Variants in SPOCD1 observed in about 807,000 individuals in gnomAD.
SPOCD1 encodes SPOC domain containing 1, also known as SPOC domain-containing protein 1.
Under a neutral mutation model 92.2 loss-of-function variants are expected in SPOCD1, and 64 were observed. That is an observed-to-expected ratio of 0.69 (90% CI 0.57 to 0.86). The LOEUF is 0.86. Among genes scored for constraint, SPOCD1 ranks in the 40% least tolerant of loss-of-function variants. The pLI, the probability that SPOCD1 is intolerant of heterozygous loss-of-function variation, is 0.00. For missense variants in SPOCD1, 1,360 were observed against 1,543.1 expected, an observed-to-expected ratio of 0.88 and a Z score of 1.99; for synonymous variants, 578 against 619.3, an observed-to-expected ratio of 0.93 and a Z score of 0.99.
At chr1:31,797,826 G>A (rs1359919089) in intron 9 of SPOCD1, among the ~76,000 whole-genome samples, 1 of 152,132 alleles carries the variant, frequency 6.6e-6, no homozygotes, top group Admixed American at 6.5e-5. Context: ...CCCCAACCTG[G>A]GGTACCAGGA....
In SPOCD1 at chr1:31,814,879, C is replaced by T; in HGVS notation, c.455G>A (p.Arg152Lys). 1.2e-6 allele frequency: 2 copies of T among 1,613,696 alleles called. No homozygotes were observed. Among genetic ancestry groups the T allele is most frequent in the Non-Finnish European group, 1.7e-6 (2 of 1,179,982 alleles). ...GCTCACCTCCTCCACTCCTGCAAGC[C>T]TCTCCCTGCAGGCCAGAGCTCTCTC... ...LPERALACRE[R>K]LAGVEEVSCL... The change falls in exon 2 of 16, where the codon AGG (arginine) becomes AAG (lysine). Residue 152 changes from arginine to lysine, a missense_variant. This residue lies in a region of SPOCD1 where 606 missense variants were observed against 601.5 expected (regional missense o/e 1.01). Coordinates refer to ENST00000360482, the MANE Select transcript of SPOCD1 (RefSeq NM_144569.7). This position sits in a 1 kb window ranked among gnomAD's most constrained non-coding sequence, Gnocchi z 4.2.
At position 31,814,543 on chromosome 1, in the gene SPOCD1, G is replaced by A. The variant is rs771748420; in HGVS notation, c.791C>T (p.Thr264Ile). The A allele has an allele frequency of 2.0e-6, 3 of 1,529,626 alleles. No homozygotes were observed. Among genetic ancestry groups the A allele is most frequent in the Non-Finnish European group, 2.6e-6 (3 of 1,137,614 alleles). The allele number at this position is 1,529,626 out of a possible 1,614,324, so 94.8% of individuals were successfully genotyped here. A position where few individuals can be genotyped will look rare whatever the true frequency, so the allele number is the denominator to read the frequency against. The change falls in exon 2 of 16, where the codon ACT becomes ATT. Residue 264 changes from threonine to isoleucine, a missense_variant. Thr to Ile is a moderately conservative substitution (Grantham distance 89, BLOSUM62 -1). Coordinates refer to ENST00000360482, the MANE Select transcript of SPOCD1 (RefSeq NM_144569.7). The surrounding 1 kb of genome is among the most constrained non-coding windows in gnomAD (Gnocchi z 4.2). ...GPCRPPSPKDTGSGPGEPGGS... is the reference protein window; with the variant it reads ...GPCRPPSPKDIGSGPGEPGGS... ...ACCTGGCTCTCCAGGCCCAGACCCAGTGTCTTTTGGAGAGGGAGGTCTGCA... is the reference window on the plus strand; with the variant it reads ...ACCTGGCTCTCCAGGCCCAGACCCAATGTCTTTTGGAGAGGGAGGTCTGCA...
rs774885380 is a variant in SPOCD1 at position 31,798,410 on chromosome 1, G to C, written c.2028+32C>G. 96 of 1,592,868 alleles carry C rather than the reference G, an allele frequency of 6.0e-5. No individual in the cohort carries two copies. The highest frequency in any genetic ancestry group is 9.1e-5 in the South Asian group (8 of 87,684). Reference sequence around the variant, plus strand: ...CTGCAGGGGCTCTGAGATTCAGAGAGGGGACGCAGCCCAGCCCAAAGCCCT... The same window carrying C: ...CTGCAGGGGCTCTGAGATTCAGAGACGGGACGCAGCCCAGCCCAAAGCCCT... On this transcript the variant is annotated intron_variant, in intron 8 of 15. Coordinates refer to ENST00000360482, the MANE Select transcript of SPOCD1 (RefSeq NM_144569.7). The surrounding 1 kb of genome is among the most constrained non-coding windows in gnomAD (Gnocchi z 4.1).
At chr1:31,808,010 C>T (rs999317488) in intron 2 of SPOCD1, among the ~76,000 whole-genome samples, 2 of 152,112 alleles carry the variant, frequency 1.3e-5, no homozygotes, top group African/African-American at 4.8e-5. Flanking sequence ...AACACCTTCC[C>T]TAAAGAGAAC....
At chr1:31,796,750 T>C (rs1648060039) in intron 9 of SPOCD1, 35 bp from the exon 10 acceptor site, 1 of 1,613,170 alleles carries the variant, frequency 6.2e-7, no homozygotes, top group Non-Finnish European at 8.5e-7. Flanking sequence ...TGAGCCCAGT[T>C]AGGGGGCCTC....
intron 3 of SPOCD1, among the ~76,000 whole-genome samples, chr1:31,801,002 C>T (rs80145223): frequency 0.025 from 3,747 of 152,320 alleles, 146 homozygotes; most frequent in African/African-American, 0.086. Flanking sequence ...GACTCCCCCT[C>T]CTCCTGCTCA....
chr1:31,793,635 A>G, intron 12 of SPOCD1, 112 bp downstream of exon 12: 1 of 1,581,944 alleles, frequency 6.3e-7, no homozygotes, highest in Non-Finnish European at 8.6e-7. Context: ...CAAGGGAGGG[A>G]AGACTTGCCC....
At position 31,798,879 on chromosome 1, in the gene SPOCD1, T is replaced by C; in HGVS notation, c.1869-278A>G. On this transcript the variant is annotated intron_variant, in intron 7 of 15. Coordinates refer to ENST00000360482, the MANE Select transcript of SPOCD1 (RefSeq NM_144569.7). This position sits in a 1 kb window ranked among gnomAD's most constrained non-coding sequence, Gnocchi z 4.1. ...AAAAGCAAGATTTGAAACTCGACTG[T>C]CTGACTCACCAGCCTGTGCCCCGTC... The C allele has an allele frequency of 3.5e-6, 2 of 572,710 alleles. No homozygotes were observed. The highest frequency in any genetic ancestry group is 3.3e-5 in the Admixed American group (1 of 30,464). 35.5% of individuals were successfully genotyped at this position (572,710 alleles called of 1,614,324 possible).
intron 1 of SPOCD1, chr1:31,815,702 A>C (rs1455476848): frequency 5.8e-6 from 1 of 171,832 alleles, no homozygotes; most frequent in Admixed American, 6.3e-5. Flanking sequence ...ACTGGCAGCC[A>C]CAGGTGAGGA....
chr1:31,813,603 A>C (rs1007531391), intron 2 of SPOCD1, among the ~76,000 whole-genome samples: 1 of 152,032 alleles, frequency 6.6e-6, no homozygotes, highest in Non-Finnish European at 1.5e-5. Flanking sequence ...TTAATCCTTG[A>C]AACAACCCCA....
At position 31,792,435 on chromosome 1, in the gene SPOCD1, A is replaced by G. The variant is rs756697606; in HGVS notation, c.2776-34T>C. On this transcript the variant is annotated intron_variant, in intron 14 of 15. Transcript: ENST00000360482. Reference sequence around the variant, plus strand: ...GCAGGAGGAGAGCAGCTGTAAGCGCAGTCATCCTCTGCTCCTGCCAACACC... The same window carrying G: ...GCAGGAGGAGAGCAGCTGTAAGCGCGGTCATCCTCTGCTCCTGCCAACACC... 7 of 1,602,928 alleles carry G rather than the reference A, an allele frequency of 4.4e-6. No homozygotes were observed. In the South Asian group the frequency reaches 7.8e-5, roughly 18 times the overall value.
At chr1:31,808,521 C>T (rs1174718725) in intron 2 of SPOCD1, among the ~76,000 whole-genome samples, 1 of 150,638 alleles carries the variant, frequency 6.6e-6, no homozygotes, top group Non-Finnish European at 1.5e-5. Flanking sequence ...AATTAGCAAA[C>T]CAGGAAGAGA....
intron 2 of SPOCD1, among the ~76,000 whole-genome samples, chr1:31,808,307 C>A (rs183649058): frequency 6.7e-6 from 1 of 150,302 alleles, no homozygotes; most frequent in East Asian, 1.9e-4. Flanking sequence ...TCCAGCAAGG[C>A]AAGAACTTAA....
rs1234442627 is a variant in SPOCD1 at position 31,814,860 on chromosome 1, C to A, written c.474G>T (p.Glu158Asp). The A allele has an allele frequency of 1.2e-6, 2 of 1,613,294 alleles. No individual in the cohort carries two copies. The highest frequency in any genetic ancestry group is 3.3e-5 in the Admixed American group (2 of 59,994). ...ACRERLAGVE[E>D]VSCLRPREAR... Reference sequence around the variant, plus strand: ...CCTCCCTGGGCCTGAGGCAGCTCACCTCCTCCACTCCTGCAAGCCTCTCCC... The same window carrying A: ...CCTCCCTGGGCCTGAGGCAGCTCACATCCTCCACTCCTGCAAGCCTCTCCC... Residue 158 changes from glutamate (E) to aspartate (D), a missense_variant, in exon 2 of 16, where the codon GAG becomes GAT. By Grantham distance (45) the Glu-to-Asp change is conservative. This residue lies in a region of SPOCD1 where 606 missense variants were observed against 601.5 expected (regional missense o/e 1.01). Transcript: ENST00000360482. This position sits in a 1 kb window ranked among gnomAD's most constrained non-coding sequence, Gnocchi z 4.2.
rs1357712995 is a variant in SPOCD1, at chr1:31,793,853, T to C, written c.2428A>G (p.Lys810Glu). Residue 810 changes from lysine (K) to glutamate (E), a missense_variant, in exon 12 of 16, where the codon AAG becomes GAG. Physicochemically the swap from Lys to Glu is moderately conservative, Grantham distance 56. Transcript: ENST00000360482. ...NELLGSFEAA[K>E]SCGDNIFQKA... ...TGGAAGATATTGTCCCCGCAGCTCT[T>C]GGCGGCTTCGAAGGAGCCTAGCAGC... 3 of 1,614,148 alleles carry C rather than the reference T, an allele frequency of 1.9e-6. No homozygotes were observed. Among genetic ancestry groups the C allele is most frequent in the Non-Finnish European group, 2.5e-6 (3 of 1,179,984 alleles).
chr1:31,800,358 C>G, intron 4 of SPOCD1, 83 bp downstream of exon 4: 1 of 1,462,966 alleles, frequency 6.8e-7, no homozygotes, highest in Non-Finnish European at 9.1e-7. Context: ...GGCACCCTCT[C>G]TCTGAGCCTC....
chr1:31,790,973 C>A lies in SPOCD1; in HGVS notation c.3281G>T (p.Gly1094Val). The change falls in exon 16 of 16, where the codon GGG becomes GTG. Residue 1094 changes from glycine (G) to valine (V), a missense_variant. Around this residue, in one of 3 missense-constraint regions of SPOCD1, gnomAD observed 614 missense variants for 757.8 expected, o/e 0.81. Coordinates refer to ENST00000360482, the MANE Select transcript of SPOCD1 (RefSeq NM_144569.7). ...GTTTTCAGGCTCTGGCCAGAGCCTC[C>A]CCCTGCCTCTGGGGGGCCTCTGCCA... ...SAWQRPPRGR[G>V]RLWPEPENWQ... The A allele has an allele frequency of 6.3e-7, 1 of 1,577,626 alleles. No individual in the cohort carries two copies. The highest frequency in any genetic ancestry group is 8.6e-7 in the Non-Finnish European group (1 of 1,162,504).
Position 31,798,533 on chromosome 1 carries a change from G to A in SPOCD1, c.1937C>T (p.Ala646Val). 1 of 1,613,906 alleles carries A rather than the reference G, an allele frequency of 6.2e-7. No individual in the cohort carries two copies. Residue 646 changes from alanine to valine, a missense_variant, in exon 8 of 16, where the codon GCA (alanine) becomes GTA (valine). By Grantham distance (64) the Ala-to-Val change is moderately conservative. This residue lies in a region of SPOCD1 where 614 missense variants were observed against 757.8 expected (regional missense o/e 0.81). Transcript: ENST00000360482. The surrounding 1 kb of genome is among the most constrained non-coding windows in gnomAD (Gnocchi z 4.1). ...VVEGIAAGIEAALWDLTQGTN... is the reference protein window; with the variant it reads ...VVEGIAAGIEVALWDLTQGTN... ...GCCTTGTGTCAGGTCCCAGAGGGCT[G>A]CCTCAATGCCAGCAGCAATGCCCTC...
Position 31,798,248 on chromosome 1 carries a change from G to C in SPOCD1, c.2104C>G (p.Pro702Ala), listed in dbSNP as rs765864823. The change falls in exon 9 of 16, where the codon CCC becomes GCC. Residue 702 changes from proline to alanine, a missense_variant. This residue lies in a region of SPOCD1 where 614 missense variants were observed against 757.8 expected (regional missense o/e 0.81). Coordinates refer to ENST00000360482, the MANE Select transcript of SPOCD1 (RefSeq NM_144569.7). The surrounding 1 kb of genome is among the most constrained non-coding windows in gnomAD (Gnocchi z 4.1). ...LVRMSSMQLA[P>A]QELARWRDQE... is the part of the protein sequence containing the mutation. ...TCCCGCCAGCGGGCCAGCTCCTGGGGGGCCAGCTGCATCGAGCTCATCCGC... is the reference window on the plus strand; with the variant it reads ...TCCCGCCAGCGGGCCAGCTCCTGGGCGGCCAGCTGCATCGAGCTCATCCGC... 1 of 1,614,108 alleles carries C rather than the reference G, an allele frequency of 6.2e-7. No homozygotes were observed. The highest frequency in any genetic ancestry group is 8.5e-7 in the Non-Finnish European group (1 of 1,180,040).
Sources: gnomAD v4.1 joint callset for allele counts (sites outside exome capture counted in the v4.1 genomes callset) on GRCh38, gnomAD v4.1.1 for gene constraint, gnomAD v4.1.1 regional missense constraint, Gnocchi (gnomAD v3.1) non-coding constraint, MANE v1.5 for transcripts, NCBI Gene and HGNC (gene_info 2026-07-23, HGNC 2026-07-21) for gene names.